Variants in UGT3A2 observed in about 807,000 individuals in gnomAD.
UGT3A2 encodes UDP glycosyltransferase family 3 member A2.
In UGT3A2, 32 loss-of-function variants were observed where a neutral mutation model predicts 39.8. That is an observed-to-expected ratio of 0.80 (90% CI 0.61 to 1.08). The LOEUF is 1.08. Ranked by LOEUF, UGT3A2 falls within the 50% of genes least tolerant of loss-of-function variation. UGT3A2 has a pLI of 0.00. For synonymous variants in UGT3A2, 241 were observed against 230.7 expected (o/e 1.04, Z -0.40); for missense variants, 611 against 637.1 (o/e 0.96, Z 0.44).
intron 2 of UGT3A2, among the ~76,000 whole-genome samples, chr5:36,060,973 T>C (rs1742677838): frequency 6.6e-6 from 1 of 152,156 alleles, no homozygotes; most frequent in African/African-American, 2.4e-5. Flanking sequence ...CTGGCGAACA[T>C]GGCAAAACCC....
chr5:36,039,733 G>A (rs377232275), intron 4 of UGT3A2, 25 bp from the exon 5 acceptor site: 2 of 1,605,550 alleles, frequency 1.2e-6, no homozygotes, highest in Non-Finnish European at 1.7e-6. Context: ...CCAAGGTAAA[G>A]AGGTGACAAA....
chr5:36,054,864 C>T (rs1277206011), intron 2 of UGT3A2, among the ~76,000 whole-genome samples: 2 of 152,138 alleles, frequency 1.3e-5, no homozygotes, highest in Non-Finnish European at 1.5e-5. Flanking sequence ...TTTCATGAAT[C>T]GTTGCATGTG....
intron 2 of UGT3A2, among the ~76,000 whole-genome samples, chr5:36,056,544 C>T (rs1057176518): frequency 6.6e-6 from 1 of 152,220 alleles, no homozygotes; most frequent in African/African-American, 2.4e-5. Flanking sequence ...TCTTAGCAGA[C>T]TCAGGCAAGT....
In UGT3A2 at chr5:36,045,249, G is replaced by A. The variant is rs116488047; in HGVS notation, c.843+3640C>T. Among the ~76,000 whole-genome samples the A allele has an allele frequency of 4.7e-3, 715 of 151,844 alleles. 4 individuals carry two copies. The highest frequency in any genetic ancestry group is 7.7e-3 in the Non-Finnish European group (522 of 67,970). On this transcript the variant is annotated intron_variant, in intron 4 of 6. Coordinates refer to ENST00000282507, the MANE Select transcript of UGT3A2 (RefSeq NM_174914.4). ...ATAAAGACAGTCTCTTCAATGAATG[G>A]TGCTAAAAAAAAACTAGATATGCAT...
At chr5:36,055,232 T>A (rs2453386) in intron 2 of UGT3A2, among the ~76,000 whole-genome samples, 3 of 151,040 alleles carry the variant, frequency 2.0e-5, no homozygotes, top group South Asian at 2.1e-4. Context: ...GCAGTTTGTT[T>A]TTTTTTTTCT....
In UGT3A2 at chr5:36,039,476, C is replaced by A. The variant is rs1231893539; in HGVS notation, c.1075+1G>T. 1.2e-6 allele frequency: 2 copies of A among 1,613,792 alleles called. No homozygotes were observed. Among genetic ancestry groups the A allele is most frequent in the South Asian group, 2.2e-5 (2 of 91,056 alleles). ...GAGGAGCAGTCCTGGGCAGCCCTTA[C>A]CCAGGAGGTCACTCTGAGGAAGCCA... is the stretch of plus-strand genomic sequence containing the variant. On this transcript the variant is annotated splice_donor_variant, in intron 5 of 6. Coordinates refer to ENST00000282507, the MANE Select transcript of UGT3A2 (RefSeq NM_174914.4). LOFTEE classifies it high-confidence loss of function.
Position 36,035,383 on chromosome 5 carries a change from T to C in UGT3A2, c.*315A>G. ...AGAGGCGCATGAGAAGGAAGGTGGA[T>C]TTTAAGGCTGGAAATCTGAGGGTCA... is the stretch of plus-strand genomic sequence containing the variant. On this transcript the variant is annotated 3_prime_UTR_variant, in exon 7 of 7. Transcript: ENST00000282507. 1 of 337,026 alleles carries C rather than the reference T, an allele frequency of 3.0e-6. No individual in the cohort carries two copies. Among genetic ancestry groups the C allele is most frequent in the South Asian group, 3.9e-5 (1 of 25,408 alleles). 20.9% of individuals were successfully genotyped at this position (337,026 alleles called of 1,614,324 possible). A position where few individuals can be genotyped will look rare whatever the true frequency, so the allele number is the denominator to read the frequency against.
intron 2 of UGT3A2, among the ~76,000 whole-genome samples, chr5:36,054,136 G>A (rs560902330): frequency 6.6e-6 from 1 of 152,322 alleles, no homozygotes; most frequent in South Asian, 2.1e-4. Context: ...TGCAGCTGGT[G>A]GGCCACGAGT....
At chr5:36,050,765 A>G (rs1287268) in intron 3 of UGT3A2, among the ~76,000 whole-genome samples, 122,734 of 151,688 alleles carry the variant, frequency 0.81, 50,238 homozygotes, top group Non-Finnish European at 0.85. Context: ...GGGAGGCTGA[A>G]GCAGGAGAAT....
intron 2 of UGT3A2, among the ~76,000 whole-genome samples, chr5:36,063,040 C>CAA (rs556478846): frequency 5.3e-5 from 7 of 131,660 alleles, no homozygotes; most frequent in Non-Finnish European, 1.2e-4. Flanking sequence ...GACTCTGTCT[C>CAA]AAAAAAAAAA....
At chr5:36,066,149 C>A (rs1393958905) in intron 1 of UGT3A2, among the ~76,000 whole-genome samples, 1 of 152,196 alleles carries the variant, frequency 6.6e-6, no homozygotes, top group Non-Finnish European at 1.5e-5. Context: ...CAGGTTTCCC[C>A]TGGTGGAAAA....
chr5:36,035,711 A>C lies in UGT3A2; in HGVS notation c.1559T>G (p.Val520Gly), dbSNP rs1309822042. ...CTGCACCTGGCCTTATGTCTCCTTC[A>C]CCTTTCTGGCCCCACGCAGCCACCA... The part of the protein sequence containing the change: ...AVWWLRGARK[V>G]KET Residue 520 changes from valine (V) to glycine (G), a missense_variant, in exon 7 of 7, where the codon GTG (valine) becomes GGG (glycine). Physicochemically the swap from Val to Gly is moderately radical, Grantham distance 109 (BLOSUM62 -3). Transcript: ENST00000282507. 6.2e-7 allele frequency: 1 copy of C among 1,613,958 alleles called. No homozygotes were observed. The highest frequency in any genetic ancestry group is 8.5e-7 in the Non-Finnish European group (1 of 1,179,946).
chr5:36,049,876 C>G (rs1319093122), intron 3 of UGT3A2, among the ~76,000 whole-genome samples: 1 of 152,076 alleles, frequency 6.6e-6, no homozygotes, highest in Non-Finnish European at 1.5e-5. Flanking sequence ...TACGTTTTAG[C>G]ACTATGTGTT....
At chr5:36,038,108 A>T in intron 5 of UGT3A2, 92 bp from the exon 6 acceptor site, 1 of 1,322,742 alleles carries the variant, frequency 7.6e-7, no homozygotes. Context: ...TGCCAAGGGG[A>T]TCTAGTGGTG....
chr5:36,048,545 C>T (rs1581005876), intron 4 of UGT3A2, among the ~76,000 whole-genome samples: 1 of 152,276 alleles, frequency 6.6e-6, no homozygotes, highest in East Asian at 1.9e-4. Context: ...ATGTAATGGG[C>T]ACTAACTACA....
At chr5:36,055,796 T>C (rs1742491283) in intron 2 of UGT3A2, among the ~76,000 whole-genome samples, 1 of 152,212 alleles carries the variant, frequency 6.6e-6, no homozygotes, top group Non-Finnish European at 1.5e-5. Context: ...TTTCAACCTG[T>C]TTATTTTGAA....
chr5:36,065,208 G>T lies in UGT3A2; in HGVS notation c.95-858C>A, dbSNP rs1474603819. ...AAGGAAGATCAGAAGAGAAGGTAAT[G>T]TAATAGTAAATACCAAAAGCCTGCG... On this transcript the variant is annotated intron_variant, in intron 1 of 6. Coordinates refer to ENST00000282507, the MANE Select transcript of UGT3A2 (RefSeq NM_174914.4). 2.6e-5 allele frequency among the ~76,000 whole-genome samples: 4 copies of T among 152,014 alleles called. No individual in the cohort carries two copies. The East Asian group carries it at 5.8e-4, about 22-fold the overall frequency.
chr5:36,040,010 T>A (rs1741957416), intron 4 of UGT3A2, among the ~76,000 whole-genome samples: 1 of 152,240 alleles, frequency 6.6e-6, no homozygotes, highest in South Asian at 2.1e-4. Context: ...TAATAGTATC[T>A]GGAAGAGTAC....
At chr5:36,046,921 A>C (rs1314465425) in intron 4 of UGT3A2, among the ~76,000 whole-genome samples, 2 of 152,172 alleles carry the variant, frequency 1.3e-5, no homozygotes, top group African/African-American at 4.8e-5. Context: ...AAGGAAAATA[A>C]ATCTCAGGAT....
Sources: allele counts gnomAD v4.1 joint callset (sites outside exome capture counted in the v4.1 genomes callset), GRCh38; gene constraint gnomAD v4.1.1; transcripts MANE v1.5; gene names NCBI Gene and HGNC (gene_info 2026-07-23, HGNC 2026-07-21).